CEP43: variants seen among roughly 807,000 people sequenced by gnomAD.
CEP43 encodes centrosomal protein 43, also known as FGFR1 oncogene partner.
In CEP43, 36 loss-of-function variants were observed where a neutral mutation model predicts 52.6. The ratio of observed to expected loss-of-function variants is 0.68; its 90% CI spans 0.52 to 0.90. CEP43 has a LOEUF of 0.90. Among genes scored for constraint, CEP43 ranks in the 40% least tolerant of loss-of-function variants. The probability of loss-of-function intolerance (pLI) is 0.00; values close to 1 mark genes in which losing one functional copy is unlikely to be tolerated. For synonymous variants in CEP43, 192 were observed against 172.4 expected (o/e 1.11, Z -0.89); for missense variants, 506 against 472.8 (o/e 1.07, Z -0.65).
chr6:167,022,286 AC>A, intron 7 of CEP43, 122 bp from the exon 8 acceptor site: 3 of 655,590 alleles, frequency 4.6e-6, no homozygotes, highest in East Asian at 2.7e-5. Flanking sequence ...ACACACACAC[AC>A]ACACACACAA....
At chr6:166,999,781 TG>T in intron 1 of CEP43, 2 of 526,240 alleles carry the variant, frequency 3.8e-6, no homozygotes, top group Non-Finnish European at 3.3e-6. Flanking sequence ...CCGCGGGGCT[TG>T]GGGGCCACAC....
intron 5 of CEP43, among the ~76,000 whole-genome samples, chr6:167,008,111 C>T (rs1191974609): frequency 6.8e-6 from 1 of 147,368 alleles, no homozygotes; most frequent in East Asian, 2.0e-4. Flanking sequence ...ACCTGTCTTT[C>T]TAGCCTTATG....
intron 7 of CEP43, among the ~76,000 whole-genome samples, chr6:167,016,519 C>A (rs541419798): frequency 6.6e-6 from 1 of 152,362 alleles, no homozygotes; most frequent in African/African-American, 2.4e-5. Flanking sequence ...GCCTCGGCCT[C>A]CCAAAGTGCT....
At chr6:167,021,355 G>C (rs1186949987) in intron 7 of CEP43, among the ~76,000 whole-genome samples, 1 of 152,168 alleles carries the variant, frequency 6.6e-6, no homozygotes, top group Admixed American at 6.5e-5. Context: ...ACTTTGACAA[G>C]TGACATCAAT....
At chr6:167,032,518 A>AT in intron 10 of CEP43, 85 bp from the exon 11 acceptor site, 32 of 1,249,442 alleles carry the variant, frequency 2.6e-5, no homozygotes, top group East Asian at 1.0e-4. Flanking sequence ...CAATATAATT[A>AT]ATTTTTTTTA....
chr6:167,032,290 C>T (rs1467022246), intron 10 of CEP43, among the ~76,000 whole-genome samples: 1 of 152,174 alleles, frequency 6.6e-6, no homozygotes, highest in Non-Finnish European at 1.5e-5. Flanking sequence ...TTGATGATGA[C>T]TTGCTATTGC....
At chr6:167,014,561 A>C (rs1357004300) in intron 7 of CEP43, among the ~76,000 whole-genome samples, 2 of 152,260 alleles carry the variant, frequency 1.3e-5, no homozygotes, top group African/African-American at 4.8e-5. Flanking sequence ...AACTTTGGTT[A>C]TGTATAGATT....
At chr6:167,000,423 T>C (rs1232498537) in intron 2 of CEP43, among the ~76,000 whole-genome samples, 3 of 152,224 alleles carry the variant, frequency 2.0e-5, no homozygotes, top group Admixed American at 6.5e-5. Flanking sequence ...TCAGATCCTT[T>C]AGTAAGCTAA....
chr6:167,037,763 C>T (rs1404834740), intron 12 of CEP43, among the ~76,000 whole-genome samples: 2 of 152,218 alleles, frequency 1.3e-5, no homozygotes, highest in African/African-American at 4.8e-5. Flanking sequence ...CAAGATGTTC[C>T]TATTCTTGTG....
At position 167,052,055 on chromosome 6, in the gene CEP43, A is replaced by C. The variant is rs895915103; in HGVS notation, c.*12077A>C. 2 of 152,034 alleles carry C rather than the reference A, an allele frequency of 1.3e-5. No homozygotes were observed. Among genetic ancestry groups the C allele is most frequent in the African/African-American group, 4.8e-5 (2 of 41,424 alleles). The allele number at this position is 152,034 out of a possible 1,614,324, so 9.4% of individuals were successfully genotyped here. A position where few individuals can be genotyped will look rare whatever the true frequency, so the allele number is the denominator to read the frequency against. On this transcript the variant is annotated 3_prime_UTR_variant, in exon 13 of 13. Transcript: ENST00000366847. The stretch of plus-strand genomic sequence containing the variant: ...TAAGTATTTTCTAGTTTAACAACTT[A>C]ATTTCTTAAATTATTTTTAACTATA...
chr6:167,019,777 C>A (rs1780184483), intron 7 of CEP43, among the ~76,000 whole-genome samples: 2 of 152,060 alleles, frequency 1.3e-5, no homozygotes, highest in East Asian at 3.8e-4. Flanking sequence ...ATCATGGATA[C>A]CTACTAGTTG....
chr6:167,033,858 T>TC lies in CEP43; in HGVS notation c.1029-13dup. 1 of 1,297,112 alleles carries TC rather than the reference T, an allele frequency of 7.7e-7. No individual in the cohort carries two copies. Among genetic ancestry groups the TC allele is most frequent in the Non-Finnish European group, 1.1e-6 (1 of 916,068 alleles). The allele number at this position is 1,297,112 out of a possible 1,614,324, so 80.4% of individuals were successfully genotyped here. On this transcript the variant is annotated splice_polypyrimidine_tract_variant and intron_variant, in intron 11 of 12. Coordinates refer to ENST00000366847, the MANE Select transcript of CEP43 (RefSeq NM_007045.4). Reference sequence around the variant, plus strand: ...TATTTTCAGAGTTCTTATTTTTTTTTCCCCTTCTGAAATTAGTACCAGCCA... The same window carrying TC: ...TATTTTCAGAGTTCTTATTTTTTTTTCCCCCTTCTGAAATTAGTACCAGCCA...
At chr6:167,022,756 A>C in intron 8 of CEP43, 121 bp downstream of exon 8, 1 of 707,476 alleles carries the variant, frequency 1.4e-6, no homozygotes, top group Non-Finnish European at 2.3e-6. Context: ...CATAAATCTG[A>C]CTATGCGTTG....
intron 12 of CEP43, among the ~76,000 whole-genome samples, chr6:167,038,618 GTTTTA>G (rs1016334062): frequency 6.6e-6 from 1 of 152,060 alleles, no homozygotes; most frequent in Non-Finnish European, 1.5e-5. Context: ...GCTAAGATGT[GTTTTA>G]TTTTAAATTT....
At chr6:166,999,773 G>A in intron 1 of CEP43, 1 of 521,030 alleles carries the variant, frequency 1.9e-6, no homozygotes. Context: ...GGGCGGGACC[G>A]CGGGGCTTGG....
chr6:167,038,917 C>T (rs779496361), intron 12 of CEP43, among the ~76,000 whole-genome samples: 5 of 152,006 alleles, frequency 3.3e-5, no homozygotes, highest in African/African-American at 4.8e-5. Context: ...CAGTACACAC[C>T]GGGCCCAATT....
Position 167,041,661 on chromosome 6 carries a change from A to C in CEP43, c.*1683A>C. ...GGTTTCAGTGAAATGATTTGAAAGC[A>C]TAGCAGGATGTGGCTTTTTAAATTT... On this transcript the variant is annotated 3_prime_UTR_variant, in exon 13 of 13. Coordinates refer to ENST00000366847, the MANE Select transcript of CEP43 (RefSeq NM_007045.4). The C allele has an allele frequency of 9.6e-7, 1 of 1,043,444 alleles. No homozygotes were observed. Among genetic ancestry groups the C allele is most frequent in the Non-Finnish European group, 1.2e-6 (1 of 865,468 alleles). 64.6% of individuals were successfully genotyped at this position (1,043,444 alleles called of 1,614,324 possible).
chr6:167,003,918 A>G, intron 4 of CEP43, 107 bp downstream of exon 4: 1 of 749,970 alleles, frequency 1.3e-6, no homozygotes, highest in African/African-American at 1.8e-5. Flanking sequence ...TTTTACATTT[A>G]GATTATTTTT....
intron 10 of CEP43, among the ~76,000 whole-genome samples, chr6:167,027,291 T>G (rs80058439): frequency 0.02 from 3,087 of 152,294 alleles, 52 homozygotes; most frequent in East Asian, 0.091. Context: ...TGAGAGCACA[T>G]TTCTCATTCA....
Sources: gnomAD v4.1 joint callset for allele counts (sites outside exome capture counted in the v4.1 genomes callset) on GRCh38, gnomAD v4.1.1 for gene constraint, MANE v1.5 for transcripts, NCBI Gene and HGNC (gene_info 2026-07-23, HGNC 2026-07-21) for gene names.